Variants in NDUFS5 observed in about 807,000 individuals in gnomAD.
The protein encoded by NDUFS5 is NADH:ubiquinone oxidoreductase subunit S5, also known as NADH dehydrogenase [ubiquinone] iron-sulfur protein 5.
A neutral mutation model predicts 10.5 loss-of-function variants in NDUFS5; 7 were observed. The observed-to-expected ratio is 0.66, with a 90% CI of 0.38 to 1.25. The LOEUF (loss-of-function observed/expected upper bound fraction) is 1.25. Among genes scored for constraint, NDUFS5 ranks in the 50% most tolerant of loss-of-function variants. The pLI is 0.02. For synonymous variants in NDUFS5, 38 were observed against 44.0 expected (o/e 0.86, Z 0.54); for missense variants, 148 against 140.7 (o/e 1.05, Z -0.26).
At chr1:39,027,699 G>C (rs1644160468) in intron 1 of NDUFS5, among the ~76,000 whole-genome samples, 1 of 133,970 alleles carries the variant, frequency 7.5e-6, no homozygotes, top group Non-Finnish European at 1.6e-5. Flanking sequence ...TCAGCCTTAG[G>C]AGTAGCTGGG....
At chr1:39,028,994 C>T (rs372159643) in intron 2 of NDUFS5, 54 bp downstream of exon 2, 1,624 of 1,182,996 alleles carry the variant, frequency 1.4e-3, no homozygotes, top group Admixed American at 3.4e-3. Flanking sequence ...CTTTGGGACT[C>T]TTTTTTTTTT....
chr1:39,031,102 T>C (rs193081496), intron 2 of NDUFS5, among the ~76,000 whole-genome samples: 13 of 152,180 alleles, frequency 8.5e-5, no homozygotes, highest in African/African-American at 3.1e-4. Flanking sequence ...ACTCCTGAGC[T>C]CAGGTGATCT....
chr1:39,030,481 C>T (rs1157582709), intron 2 of NDUFS5, among the ~76,000 whole-genome samples: 5 of 147,480 alleles, frequency 3.4e-5, no homozygotes, highest in East Asian at 2.1e-4. Context: ...CCGAGGCAGG[C>T]GGATCACAAG....
chr1:39,031,972 C>A (rs1279951530), intron 2 of NDUFS5, among the ~76,000 whole-genome samples: 1 of 152,076 alleles, frequency 6.6e-6, no homozygotes, highest in African/African-American at 2.4e-5. Flanking sequence ...GCCTGACCAA[C>A]ATGGTGAAAC....
At chr1:39,029,091 C>G (rs935587720) in intron 2 of NDUFS5, 151 bp downstream of exon 2, 13 of 696,192 alleles carry the variant, frequency 1.9e-5, no homozygotes, top group African/African-American at 1.3e-4. Context: ...CTCCCAGGTT[C>G]AGGCGATTCG....
chr1:39,026,963 G>A (rs1485073421), intron 1 of NDUFS5, among the ~76,000 whole-genome samples: 1 of 152,250 alleles, frequency 6.6e-6, no homozygotes, highest in African/African-American at 2.4e-5. Context: ...TTCCGAGTGT[G>A]TGTCTCTGGT....
chr1:39,029,066 C>T (rs925565088), intron 2 of NDUFS5, 126 bp downstream of exon 2: 2 of 837,542 alleles, frequency 2.4e-6, no homozygotes, highest in African/African-American at 1.7e-5. Context: ...CACCTCGTCT[C>T]ACTGTAGCCT....
intron 2 of NDUFS5, 52 bp downstream of exon 2, chr1:39,028,992 C>CTT: frequency 2.1e-5 from 28 of 1,308,258 alleles, no homozygotes; most frequent in South Asian, 6.5e-5. Context: ...TCCTTTGGGA[C>CTT]TCTTTTTTTT....
At chr1:39,031,441 T>G (rs1001581421) in intron 2 of NDUFS5, among the ~76,000 whole-genome samples, 2 of 152,138 alleles carry the variant, frequency 1.3e-5, no homozygotes, top group Non-Finnish European at 2.9e-5. Context: ...CCCAAGTAGC[T>G]AGGACTACAA....
At chr1:39,032,115 C>T (rs947048167) in intron 2 of NDUFS5, among the ~76,000 whole-genome samples, 3 of 148,978 alleles carry the variant, frequency 2.0e-5, no homozygotes, top group Non-Finnish European at 4.5e-5. Flanking sequence ...GTTGAGATTG[C>T]GCCACTGCAC....
chr1:39,033,391 G>T (rs1160385185), intron 2 of NDUFS5, among the ~76,000 whole-genome samples: 2 of 151,632 alleles, frequency 1.3e-5, no homozygotes, highest in Non-Finnish European at 2.9e-5. Context: ...GGCTAACATG[G>T]TGAAACCCCA....
In NDUFS5 at chr1:39,028,874, T is replaced by C. The variant is rs778103064; in HGVS notation, c.150T>C (p.Thr50=). 76 of 1,614,002 alleles carry C rather than the reference T, an allele frequency of 4.7e-5. No homozygotes were observed. Among genetic ancestry groups the C allele is most frequent in the Non-Finnish European group, 3.0e-5 (35 of 1,180,048 alleles). ...AATGTGCACATGGAATCGGTTATAC[T>C]CGGGCAGAGAAAGAGTGCAAGATAG... ...WIECAHGIGY[T]RAEKECKIEY... is the part of the protein sequence containing the mutation. Residue 50 remains threonine, a synonymous_variant, in exon 2 of 3, where the codon ACT becomes ACC. Transcript: ENST00000372969.
chr1:39,031,156 C>T (rs12029232), intron 2 of NDUFS5, among the ~76,000 whole-genome samples: 26,636 of 151,982 alleles, frequency 0.18, 2,887 homozygotes, highest in East Asian at 0.45. Flanking sequence ...AGGTGTGAGA[C>T]ACTGCACCTG....
chr1:39,027,811 C>CTTTTTTTTTT (rs776540164), intron 1 of NDUFS5, among the ~76,000 whole-genome samples: 1 of 58,624 alleles, frequency 1.7e-5, no homozygotes, highest in African/African-American at 7.1e-5. Context: ...TTTTCTTCTT[C>CTTTTTTTTTT]TTCTTTTTTT....
intron 2 of NDUFS5, among the ~76,000 whole-genome samples, chr1:39,030,482 G>A (rs991202140): frequency 1.3e-4 from 20 of 148,550 alleles, no homozygotes; most frequent in African/African-American, 5.0e-4. Flanking sequence ...CGAGGCAGGC[G>A]GATCACAAGG....
intron 2 of NDUFS5, among the ~76,000 whole-genome samples, chr1:39,033,792 G>T (rs1427774919): frequency 7.1e-6 from 1 of 141,314 alleles, no homozygotes; most frequent in African/African-American, 2.7e-5. Flanking sequence ...GAGCCACCAC[G>T]GCCCAACTTT....
At chr1:39,027,585 T>G (rs1275823313) in intron 1 of NDUFS5, among the ~76,000 whole-genome samples, 3 of 133,088 alleles carry the variant, frequency 2.3e-5, no homozygotes, top group African/African-American at 8.0e-5. Flanking sequence ...GCTCTGGTTT[T>G]TTTTTTTTTT....
intron 1 of NDUFS5, among the ~76,000 whole-genome samples, chr1:39,028,113 C>G (rs1644164900): frequency 1.4e-5 from 2 of 145,844 alleles, no homozygotes; most frequent in African/African-American, 5.0e-5. Context: ...AGCCACCGCG[C>G]CTGGCCCACA....
intron 2 of NDUFS5, 39 bp downstream of exon 2, chr1:39,028,979 T>G: frequency 1.3e-6 from 2 of 1,573,278 alleles, no homozygotes; most frequent in Non-Finnish European, 1.7e-6. Flanking sequence ...ATTACTTTCT[T>G]GTTCCTTTGG....
Sources: gnomAD v4.1 joint callset for allele counts (sites outside exome capture counted in the v4.1 genomes callset) on GRCh38, gnomAD v4.1.1 for gene constraint, MANE v1.5 for transcripts, NCBI Gene and HGNC (gene_info 2026-07-23, HGNC 2026-07-21) for gene names.